The following LINGO2 variants were observed in gnomAD, a reference collection of about 807,000 sequenced individuals.
The protein encoded by LINGO2 is leucine-rich repeat and immunoglobulin-like domain-containing nogo receptor-interacting protein 2.
LINGO2 carries 14 observed loss-of-function variants against 30.6 expected under a neutral mutation model. The ratio of observed to expected loss-of-function variants is 0.46; its 90% CI spans 0.30 to 0.72. LINGO2 has a LOEUF of 0.72. Ranked by LOEUF, LINGO2 falls within the 30% of genes least tolerant of loss-of-function variation. The probability of loss-of-function intolerance (pLI) is 0.07; values close to 1 mark genes in which losing one functional copy is unlikely to be tolerated. For missense variants in LINGO2, 729 were observed against 751.7 expected (o/e 0.97, Z 0.35); for synonymous variants, 317 against 288.5 (o/e 1.10, Z -1.00).
intron 2 of LINGO2, among the ~76,000 whole-genome samples, chr9:28,437,735 C>T (rs150839114): frequency 6.6e-6 from 1 of 152,228 alleles, no homozygotes; most frequent in African/African-American, 2.4e-5. Context: ...ATACATCAGA[C>T]TTCTTGAGCC....
At chr9:28,512,045 G>A (rs1009706585) in intron 1 of LINGO2, among the ~76,000 whole-genome samples, 7 of 143,284 alleles carry the variant, frequency 4.9e-5, no homozygotes, top group African/African-American at 1.6e-4. Flanking sequence ...AGGATGGCAG[G>A]CGTGGAGGCC....
At chr9:28,299,726 T>G (rs1824064638) in intron 3 of LINGO2, among the ~76,000 whole-genome samples, 1 of 152,282 alleles carries the variant, frequency 6.6e-6, no homozygotes, top group South Asian at 2.1e-4. Flanking sequence ...TAATTGATAG[T>G]GCTGTACCGT....
At chr9:29,157,033 A>T in the LINGO2 span, among the ~76,000 whole-genome samples, 2 of 152,016 alleles carry the variant, frequency 1.3e-5, no homozygotes, top group Non-Finnish European at 2.9e-5. Flanking sequence ...ATCTCATAAG[A>T]TCATAGAAAA....
intron 4 of LINGO2, among the ~76,000 whole-genome samples, chr9:28,178,239 T>A (rs1828802515): frequency 6.6e-6 from 1 of 152,152 alleles, no homozygotes; most frequent in Non-Finnish European, 1.5e-5. Flanking sequence ...AGTGTTGTGA[T>A]AAAATTTAAA....
the LINGO2 span, among the ~76,000 whole-genome samples, chr9:28,738,880 A>T: frequency 0.029 from 4,414 of 152,122 alleles, 207 homozygotes; most frequent in African/African-American, 0.097. Flanking sequence ...GTTTAAAAAA[A>T]TTAGTTAATT....
intron 1 of LINGO2, among the ~76,000 whole-genome samples, chr9:28,577,739 G>A (rs1824059870): frequency 6.6e-6 from 1 of 152,120 alleles, no homozygotes; most frequent in Admixed American, 6.6e-5. Flanking sequence ...TAAAATAGGT[G>A]CAATACGCAT....
rs111872334 is a variant in LINGO2, at chr9:28,419,476, A to G, written c.-278-46608T>C. Among the ~76,000 whole-genome samples, 382 of 152,226 alleles carry G rather than the reference A, an allele frequency of 2.5e-3. 4 individuals carry two copies. Among genetic ancestry groups the G allele is most frequent in the African/African-American group, 8.8e-3 (366 of 41,564 alleles). On this transcript the variant is annotated intron_variant, in intron 2 of 5. Transcript: ENST00000379992. ...TAATGTAAGCTGTTGTATAAAGGTA[A>G]GACTGTTCATAAGCAAGTCTGACTC...
the LINGO2 span, among the ~76,000 whole-genome samples, chr9:29,161,091 C>T: frequency 1.3e-5 from 2 of 152,140 alleles, no homozygotes; most frequent in African/African-American, 4.8e-5. Context: ...ACACTCATGC[C>T]CAGAGGGAAA....
At chr9:28,168,946 C>G (rs1285574065) in intron 4 of LINGO2, among the ~76,000 whole-genome samples, 3 of 152,170 alleles carry the variant, frequency 2.0e-5, no homozygotes, top group Admixed American at 6.5e-5. Flanking sequence ...GAATAACAAG[C>G]ACTTACTGAA....
chr9:28,371,814 C>T (rs1820909327), intron 3 of LINGO2, among the ~76,000 whole-genome samples: 1 of 152,118 alleles, frequency 6.6e-6, no homozygotes, highest in Admixed American at 6.6e-5. Flanking sequence ...TGGAAGTAGA[C>T]ATATTGGCAT....
intron 2 of LINGO2, among the ~76,000 whole-genome samples, chr9:28,472,319 AG>A (rs1268027141): frequency 2.7e-5 from 4 of 146,586 alleles, no homozygotes; most frequent in East Asian, 2.3e-4. Flanking sequence ...ATTGACTTCA[AG>A]TTTTTTTTTT....
intron 4 of LINGO2, among the ~76,000 whole-genome samples, chr9:28,024,254 G>A (rs551102756): frequency 6.6e-6 from 1 of 152,136 alleles, no homozygotes; most frequent in African/African-American, 2.4e-5. Context: ...CAGTTGTGAA[G>A]GTTGTGCTCT....
chr9:28,523,074 A>T (rs1321016161), intron 1 of LINGO2, among the ~76,000 whole-genome samples: 1 of 152,110 alleles, frequency 6.6e-6, no homozygotes, highest in African/African-American at 2.4e-5. Context: ...CATAATTTAA[A>T]TATCTAAAAA....
intron 1 of LINGO2, among the ~76,000 whole-genome samples, chr9:28,639,820 A>G (rs1319824008): frequency 6.6e-6 from 1 of 152,130 alleles, no homozygotes; most frequent in Non-Finnish European, 1.5e-5. Context: ...GCCTATTTAC[A>G]TTTAAGGTTA....
intron 2 of LINGO2, among the ~76,000 whole-genome samples, chr9:28,463,098 C>CT (rs926084472): frequency 1.3e-3 from 200 of 148,758 alleles, no homozygotes; most frequent in Middle Eastern, 6.9e-3. Flanking sequence ...ATTAATAGCG[C>CT]TTTTTTTTTT....
the LINGO2 span, among the ~76,000 whole-genome samples, chr9:28,881,343 C>T: frequency 1.2e-4 from 19 of 152,044 alleles, no homozygotes; most frequent in African/African-American, 3.1e-4. Context: ...AGGCTGGTCT[C>T]GAACCCCTGA....
At chr9:28,940,833 T>C in the LINGO2 span, among the ~76,000 whole-genome samples, 3 of 152,140 alleles carry the variant, frequency 2.0e-5, no homozygotes, top group African/African-American at 7.2e-5. Context: ...TTACTTTGAA[T>C]ATACAACACC....
At chr9:28,390,778 G>C (rs1821798271) in intron 2 of LINGO2, among the ~76,000 whole-genome samples, 1 of 152,098 alleles carries the variant, frequency 6.6e-6, no homozygotes, top group Non-Finnish European at 1.5e-5. Flanking sequence ...TTTCTTCAGA[G>C]CTAAGAATTT....
chr9:28,820,716 AGGCACAGAGTG>A, the LINGO2 span, among the ~76,000 whole-genome samples: 2 of 152,356 alleles, frequency 1.3e-5, no homozygotes, highest in East Asian at 3.9e-4. Flanking sequence ...GCCATTGTTA[AGGCACAGAGTG>A]GGCACAGAAA....
Sources: gnomAD v4.1 joint callset for allele counts (sites outside exome capture counted in the v4.1 genomes callset) on GRCh38, gnomAD v4.1.1 for gene constraint, MANE v1.5 for transcripts, NCBI Gene and HGNC (gene_info 2026-07-23, HGNC 2026-07-21) for gene names.